The following SPATS2L variants were observed in gnomAD, a reference collection of about 807,000 sequenced individuals.
SPATS2L encodes the protein spermatogenesis associated serine rich 2 like.
A neutral mutation model predicts 59.6 loss-of-function variants in SPATS2L; 30 were observed. The ratio of observed to expected loss-of-function variants is 0.50; its 90% CI spans 0.38 to 0.68. The LOEUF (loss-of-function observed/expected upper bound fraction) is 0.68, where lower values mean the gene tolerates loss of function less well. SPATS2L is among the 30% of genes least tolerant of loss of function. SPATS2L has a pLI of 0.00. For synonymous variants in SPATS2L, 252 were observed against 263.5 expected (o/e 0.96, Z 0.42); for missense variants, 615 against 700.0 (o/e 0.88, Z 1.37).
chr2:200,326,607 G>C (rs2079752562), intron 1 of SPATS2L, among the ~76,000 whole-genome samples: 1 of 152,126 alleles, frequency 6.6e-6, no homozygotes, highest in Admixed American at 6.5e-5. Flanking sequence ...ATCCCTTTCA[G>C]AGCCAGTTTA....
intron 2 of SPATS2L, among the ~76,000 whole-genome samples, chr2:200,376,861 C>A (rs1418991054): frequency 6.6e-6 from 1 of 152,152 alleles, no homozygotes; most frequent in Admixed American, 6.5e-5. Context: ...CCACCTCTCC[C>A]ATCAGGTGAC....
rs372945569 is a variant in SPATS2L, at chr2:200,389,206, G to T, written c.-22-17G>T. ...GAAATCAATTTTAAAACTTAATCTT[G>T]TTTTCCTTCTTTATAGGGCCTATTC... On this transcript the variant is annotated splice_polypyrimidine_tract_variant and intron_variant, in intron 2 of 12. Coordinates refer to ENST00000409140, the MANE Select transcript of SPATS2L (RefSeq NM_001100423.2). 2.0e-4 allele frequency: 301 copies of T among 1,518,354 alleles called. No individual in the cohort carries two copies. Among genetic ancestry groups the T allele is most frequent in the Non-Finnish European group, 2.5e-4 (284 of 1,116,076 alleles). The allele number at this position is 1,518,354 out of a possible 1,614,324, so 94.1% of individuals were successfully genotyped here.
chr2:200,458,733 TAAA>T (rs71022320), intron 8 of SPATS2L, among the ~76,000 whole-genome samples: 6 of 148,766 alleles, frequency 4.0e-5, no homozygotes, highest in African/African-American at 1.2e-4. Context: ...AACACACTGT[TAAA>T]AAAAAAAAAG....
At chr2:200,332,746 T>TTA (rs2079988265) in intron 2 of SPATS2L, among the ~76,000 whole-genome samples, 2 of 116,498 alleles carry the variant, frequency 1.7e-5, no homozygotes, top group Non-Finnish European at 1.9e-5. Flanking sequence ...ATTTTTTTTT[T>TTA]GAAAAAAAAA....
At position 200,412,345 on chromosome 2, in the gene SPATS2L, G is replaced by A; in HGVS notation, c.74G>A (p.Ser25Asn). The change falls in exon 4 of 13, where the codon AGC (serine) becomes AAC (asparagine). Residue 25 changes from serine (S) to asparagine (N), a missense_variant. Physicochemically the swap from Ser to Asn is conservative, Grantham distance 46 (BLOSUM62 1). Around this residue, in one of 3 missense-constraint regions of SPATS2L, gnomAD observed 227 missense variants for 257.4 expected, o/e 0.88. Transcript: ENST00000409140. ...GTTAGATCAGTTGTTCCCAACAAAA[G>A]CAATAATGAAATAGTCCTGGTGCTC... is the stretch of plus-strand genomic sequence containing the variant. ...YAVRSVVPNK[S>N]NNEIVLVLQQ... The A allele has an allele frequency of 6.2e-7, 1 of 1,602,254 alleles. No homozygotes were observed. The highest frequency in any genetic ancestry group is 8.5e-7 in the Non-Finnish European group (1 of 1,174,748).
chr2:200,475,871 C>T (rs1301675957), intron 12 of SPATS2L, among the ~76,000 whole-genome samples: 1 of 152,164 alleles, frequency 6.6e-6, no homozygotes, highest in African/African-American at 2.4e-5. Flanking sequence ...GTTTATGTTA[C>T]AACTTAAGAG....
intron 8 of SPATS2L, among the ~76,000 whole-genome samples, chr2:200,452,287 G>A (rs1342513923): frequency 6.6e-6 from 1 of 152,206 alleles, no homozygotes; most frequent in Non-Finnish European, 1.5e-5. Flanking sequence ...GAGGAATATA[G>A]ATTTTTCAGT....
intron 10 of SPATS2L, among the ~76,000 whole-genome samples, 179 bp downstream of exon 10, chr2:200,467,578 T>C (rs1306348850): frequency 6.6e-6 from 1 of 152,086 alleles, no homozygotes; most frequent in Non-Finnish European, 1.5e-5. Context: ...TGTGTTTAAG[T>C]GTAATGTGCT....
chr2:200,454,103 G>T (rs1334317645), intron 8 of SPATS2L, among the ~76,000 whole-genome samples: 1 of 152,188 alleles, frequency 6.6e-6, no homozygotes, highest in South Asian at 2.1e-4. Flanking sequence ...GGGATCAGAT[G>T]GTCCCCGGCA....
At chr2:200,394,243 CCGCATCTCCA>C (rs960448359) in intron 3 of SPATS2L, among the ~76,000 whole-genome samples, 1 of 152,198 alleles carries the variant, frequency 6.6e-6, no homozygotes, top group Admixed American at 6.5e-5. Context: ...TTATCCACTG[CCGCATCTCCA>C]CGCATCTCTC....
At chr2:200,396,011 GAAAAAAA>G (rs1218853084) in intron 3 of SPATS2L, among the ~76,000 whole-genome samples, 324 of 10,582 alleles carry the variant, frequency 0.031, 1 homozygote, top group Non-Finnish European at 0.038. Flanking sequence ...ACTCGATCTG[GAAAAAAA>G]AAAAAAAAAA....
chr2:200,326,965 A>C (rs1465932598), intron 1 of SPATS2L, among the ~76,000 whole-genome samples: 1 of 135,432 alleles, frequency 7.4e-6, no homozygotes, highest in African/African-American at 2.8e-5. Flanking sequence ...CAGGCTGGTC[A>C]TGAACTCCTG....
At chr2:200,421,919 TC>T (rs1481606660) in intron 6 of SPATS2L, among the ~76,000 whole-genome samples, 3 of 152,264 alleles carry the variant, frequency 2.0e-5, no homozygotes, top group Admixed American at 2.0e-4. Flanking sequence ...ATATATTTTT[TC>T]ATTTACTTAT....
intron 9 of SPATS2L, among the ~76,000 whole-genome samples, chr2:200,466,586 C>T (rs1385995671): frequency 1.3e-5 from 2 of 152,228 alleles, no homozygotes; most frequent in African/African-American, 4.8e-5. Flanking sequence ...GTCTTCTCTA[C>T]GTGTGCAGGT....
rs1240785442 is a variant in SPATS2L at position 200,478,076 on chromosome 2, C to T, written c.*45C>T. 1.3e-6 allele frequency: 2 copies of T among 1,504,476 alleles called. No homozygotes were observed. Among genetic ancestry groups the T allele is most frequent in the Non-Finnish European group, 8.9e-7 (1 of 1,128,146 alleles). 93.2% of individuals were successfully genotyped at this position (1,504,476 alleles called of 1,614,324 possible). A position where few individuals can be genotyped will look rare whatever the true frequency, so the allele number is the denominator to read the frequency against. On this transcript the variant is annotated 3_prime_UTR_variant, in exon 13 of 13. Transcript: ENST00000409140. The stretch of plus-strand genomic sequence containing the variant: ...GTTTTCACTCAGTTTTGGTTCCCTG[C>T]CCGAGGTGCTGACCCAATTCGCTGC...
At chr2:200,469,275 G>A (rs1195014514) in intron 10 of SPATS2L, among the ~76,000 whole-genome samples, 1 of 152,130 alleles carries the variant, frequency 6.6e-6, no homozygotes, top group African/African-American at 2.4e-5. Flanking sequence ...TTGTATTGTA[G>A]TTAATGGTAT....
chr2:200,308,214 AG>A (rs1358416072), intron 1 of SPATS2L, among the ~76,000 whole-genome samples: 10 of 147,908 alleles, frequency 6.8e-5, no homozygotes, highest in Non-Finnish European at 1.3e-4. Context: ...GGAAGAGGAC[AG>A]GAAGTCAGAA....
At chr2:200,355,910 C>G (rs1253560726) in intron 2 of SPATS2L, among the ~76,000 whole-genome samples, 1 of 152,104 alleles carries the variant, frequency 6.6e-6, no homozygotes, top group Non-Finnish European at 1.5e-5. Flanking sequence ...TCCTTATTTC[C>G]AAGTCTTTAG....
Position 200,477,778 on chromosome 2 carries a change from C to T in SPATS2L, c.1424C>T (p.Pro475Leu), listed in dbSNP as rs1342966326. 31 of 1,579,218 alleles carry T rather than the reference C, an allele frequency of 2.0e-5. No individual in the cohort carries two copies. The highest frequency in any genetic ancestry group is 2.7e-5 in the African/African-American group (2 of 74,030). ...AGCCGCCACGAACACAGAAGACAGC[C>T]GCACAACGGCTTCCGGCCCAAAAAC... ...GNSRHEHRRQ[P>L]HNGFRPKNKG... Residue 475 changes from proline (P) to leucine (L), a missense_variant, in exon 13 of 13, where the codon CCG becomes CTG. This residue lies in a region of SPATS2L where 284 missense variants were observed against 280.1 expected (regional missense o/e 1.01). Coordinates refer to ENST00000409140, the MANE Select transcript of SPATS2L (RefSeq NM_001100423.2).
Sources: allele counts gnomAD v4.1 joint callset (sites outside exome capture counted in the v4.1 genomes callset), GRCh38; gene constraint gnomAD v4.1.1; regional missense constraint gnomAD v4.1.1; transcripts MANE v1.5; gene names NCBI Gene and HGNC (gene_info 2026-07-23, HGNC 2026-07-21).